Variants in SLC5A10 observed in about 807,000 individuals in gnomAD.
The protein encoded by SLC5A10 is sodium/mannose cotransporter SLC5A10.
Under a neutral mutation model 68.9 loss-of-function variants are expected in SLC5A10, and 55 were observed. The observed-to-expected ratio is 0.80, with a 90% confidence interval of 0.64 to 1.00. The LOEUF (loss-of-function observed/expected upper bound fraction) is 1.00, where lower values mean the gene tolerates loss of function less well. Among genes scored for constraint, SLC5A10 ranks in the 50% least tolerant of loss-of-function variants. SLC5A10 has a pLI of 0.00. For synonymous variants in SLC5A10, 344 were observed against 344.8 expected (o/e 1.00, Z 0.02); for missense variants, 732 against 819.3 (o/e 0.89, Z 1.30).
chr17:18,958,779 AC>A (rs781485045), intron 2 of SLC5A10, 26 bp downstream of exon 2: 15 of 1,612,576 alleles, frequency 9.3e-6, no homozygotes, highest in African/African-American at 2.7e-5. Context: ...CTTCTCACAC[AC>A]CCCCACTTTG....
At position 18,969,263 on chromosome 17, in the gene SLC5A10, AG is replaced by A; in HGVS notation, c.560-77del. The A allele has an allele frequency of 6.3e-6, 10 of 1,577,408 alleles. No homozygotes were observed. In the Admixed American group the frequency reaches 1.7e-4, roughly 27 times the overall value. On this transcript the variant is annotated intron_variant, in intron 6 of 14. Coordinates refer to ENST00000395645, the MANE Select transcript of SLC5A10 (RefSeq NM_001042450.4). ...GAGCAGCCCAGGAAGTGGCCCCAGC[AG>A]GAGCCCCAGAAGTTCCTCCCCGTGT...
chr17:18,951,559 C>T (rs1634416), upstream of SLC5A10: 16,868 of 147,142 alleles, frequency 0.11, 1,256 homozygotes, highest in East Asian at 0.4. Context: ...GGGTGGGGGC[C>T]GAATGCATGG....
At chr17:18,983,325 C>T (rs1337689115) in intron 9 of SLC5A10, among the ~76,000 whole-genome samples, 1 of 152,248 alleles carries the variant, frequency 6.6e-6, no homozygotes, top group African/African-American at 2.4e-5. Flanking sequence ...GAGGTGGAAC[C>T]ACACGCCCAG....
intron 5 of SLC5A10, 141 bp downstream of exon 5, chr17:18,960,793 C>CA: frequency 2.4e-6 from 2 of 840,800 alleles, no homozygotes; most frequent in Non-Finnish European, 3.8e-6. Context: ...GGGGCAATGA[C>CA]TTGCCCAGGG....
intron 9 of SLC5A10, chr17:18,986,410 G>C (rs2043269294): frequency 6.6e-6 from 1 of 152,220 alleles, no homozygotes; most frequent in Non-Finnish European, 1.5e-5. Flanking sequence ...TGTCAGAGCT[G>C]ATTTGTCACT....
rs2043793521 is a variant in SLC5A10, at chr17:19,003,691, C to T, written c.983-9719C>T. 6.2e-7 allele frequency: 1 copy of T among 1,608,542 alleles called. No individual in the cohort carries two copies. The highest frequency in any genetic ancestry group is 8.5e-7 in the Non-Finnish European group (1 of 1,177,418). On this transcript the variant is annotated intron_variant, in intron 9 of 14. Transcript: ENST00000395645. This position sits in a 1 kb window ranked among gnomAD's most constrained non-coding sequence, Gnocchi z 4.5. ...GGTCCGACTTCTGGGGCCAGTACTCCAGGGAGGGCAGCGGCTCGGCCTCGA... is the reference window on the plus strand; with the variant it reads ...GGTCCGACTTCTGGGGCCAGTACTCTAGGGAGGGCAGCGGCTCGGCCTCGA...
chr17:19,017,342 G>C lies in SLC5A10; in HGVS notation c.1242-2081G>C. 6.4e-7 allele frequency: 1 copy of C among 1,551,966 alleles called. No homozygotes were observed. Among genetic ancestry groups the C allele is most frequent in the Non-Finnish European group, 8.7e-7 (1 of 1,147,050 alleles). ...AAGCCGTCTCAGCTTCCTCCTGCCC[G>C]AAACACCACCATTGGAGCGGTATCT... On this transcript the variant is annotated intron_variant, in intron 11 of 14. Transcript: ENST00000395645. The surrounding 1 kb of genome is among the most constrained non-coding windows in gnomAD (Gnocchi z 5.6).
chr17:18,964,229 C>G (rs2042668064), intron 5 of SLC5A10, among the ~76,000 whole-genome samples: 1 of 152,180 alleles, frequency 6.6e-6, no homozygotes, highest in Non-Finnish European at 1.5e-5. Flanking sequence ...TGCCCACATG[C>G]CTCGTGGGTC....
At chr17:18,953,605 T>G (rs985561445) in intron 1 of SLC5A10, 6 of 151,912 alleles carry the variant, frequency 3.9e-5, no homozygotes, top group Non-Finnish European at 8.8e-5. Flanking sequence ...GACCAGACCT[T>G]GCTGCTGCCA....
At chr17:18,987,484 C>A (rs757983480) in intron 9 of SLC5A10, among the ~76,000 whole-genome samples, 4 of 152,226 alleles carry the variant, frequency 2.6e-5, no homozygotes, top group Non-Finnish European at 5.9e-5. Context: ...CGATGGCTGG[C>A]AGAAGGAGGG....
At chr17:18,979,287 T>C (rs1271665590) in intron 9 of SLC5A10, 14 of 518,468 alleles carry the variant, frequency 2.7e-5, no homozygotes, top group East Asian at 1.0e-4. Context: ...GTGACCCCCA[T>C]AGGCTTGCGA....
At chr17:18,972,491 C>T (rs1174644662) in intron 8 of SLC5A10, among the ~76,000 whole-genome samples, 1 of 152,146 alleles carries the variant, frequency 6.6e-6, no homozygotes, top group African/African-American at 2.4e-5. Flanking sequence ...TCCGTGGTTC[C>T]CGACTCTGCT....
rs991949399 is a variant in SLC5A10 at position 18,963,559 on chromosome 17, C to A, written c.453+2907C>A. On this transcript the variant is annotated intron_variant, in intron 5 of 14. Transcript: ENST00000395645. ...CTTGGCTGCGAGAGGACTGGGGCTACCCTGGCTGTTTGAAGTGCACGCGCC... is the reference window on the plus strand; with the variant it reads ...CTTGGCTGCGAGAGGACTGGGGCTAACCTGGCTGTTTGAAGTGCACGCGCC... Among the ~76,000 whole-genome samples, 4 of 152,260 alleles carry A rather than the reference C, an allele frequency of 2.6e-5. No homozygotes were observed. The South Asian group carries it at 6.2e-4, about 24-fold the overall frequency.
At chr17:18,977,319 G>A in intron 9 of SLC5A10, 1 of 580,440 alleles carries the variant, frequency 1.7e-6, no homozygotes, top group Non-Finnish European at 3.0e-6. Context: ...ACAGGCTTTG[G>A]AGACCTCTAG....
chr17:19,003,261 C>T lies in SLC5A10; in HGVS notation c.983-10149C>T, dbSNP rs769685623. Among the ~76,000 whole-genome samples, 32 of 151,572 alleles carry T rather than the reference C, an allele frequency of 2.1e-4. No homozygotes were observed. Among genetic ancestry groups the T allele is most frequent in the Non-Finnish European group, 3.7e-4 (25 of 67,834 alleles). ...CCTTCTTCTGGGGAACCAGAAACAC[C>T]CTCCAACAATAAAGAGGCCCTTTGA... On this transcript the variant is annotated intron_variant, in intron 9 of 14. Transcript: ENST00000395645. The surrounding 1 kb of genome is among the most constrained non-coding windows in gnomAD (Gnocchi z 4.5).
At position 19,004,171 on chromosome 17, in the gene SLC5A10, T is replaced by A; in HGVS notation, c.983-9239T>A. On this transcript the variant is annotated intron_variant, in intron 9 of 14. Transcript: ENST00000395645. The surrounding 1 kb of genome is among the most constrained non-coding windows in gnomAD (Gnocchi z 5.4). ...TCTGCTTCTCTGCCCATGAGCAATC[T>A]GCGGGAAAGACCTGATGAGCCCGGC... The A allele has an allele frequency of 1.5e-6, 1 of 659,630 alleles. No homozygotes were observed. The highest frequency in any genetic ancestry group is 2.0e-5 in the South Asian group (1 of 50,240). The allele number at this position is 659,630 out of a possible 1,614,324, so 40.9% of individuals were successfully genotyped here.
rs1268192687 is a variant in SLC5A10 at position 18,971,137 on chromosome 17, C to A, written c.765C>A (p.Asp255Glu). 1.2e-6 allele frequency: 2 copies of A among 1,614,020 alleles called. No homozygotes were observed. Among genetic ancestry groups the A allele is most frequent in the Admixed American group, 3.3e-5 (2 of 60,012 alleles). Residue 255 changes from aspartate to glutamate, a missense_variant, in exon 8 of 15, where the codon GAC becomes GAA. Transcript: ENST00000395645. The surrounding 1 kb of genome is among the most constrained non-coding windows in gnomAD (Gnocchi z 5.5). ...CAGACGCCATGCACATGTTTCGAGA[C>A]CCCCACACAGGGGACCTGCCGTGGA... is the stretch of plus-strand genomic sequence containing the variant. ...PRTDAMHMFR[D>E]PHTGDLPWTG...
chr17:18,998,081 G>A (rs968538405), intron 9 of SLC5A10, among the ~76,000 whole-genome samples: 6 of 152,204 alleles, frequency 3.9e-5, no homozygotes, highest in Non-Finnish European at 7.3e-5. Flanking sequence ...CACCCCACAT[G>A]GCATTTAACC....
At chr17:18,959,700 G>A (rs764674835) in intron 4 of SLC5A10, 37 bp downstream of exon 4, 3 of 1,608,300 alleles carry the variant, frequency 1.9e-6, no homozygotes, top group Non-Finnish European at 2.6e-6. Flanking sequence ...TGGGGGGCTG[G>A]GCCTTGGTCC....
Sources: gnomAD v4.1 joint callset for allele counts (sites outside exome capture counted in the v4.1 genomes callset) on GRCh38, gnomAD v4.1.1 for gene constraint, Gnocchi (gnomAD v3.1) non-coding constraint, MANE v1.5 for transcripts, NCBI Gene and HGNC (gene_info 2026-07-23, HGNC 2026-07-21) for gene names.